Variants in RERE observed in about 807,000 individuals in gnomAD.
The protein encoded by RERE is arginine-glutamic acid dipeptide repeats.
Under a neutral mutation model 146.1 loss-of-function variants are expected in RERE, and 40 were observed. The observed-to-expected ratio is 0.27, with a 90% CI of 0.21 to 0.36. The LOEUF is 0.36. RERE is among the 10% of genes least tolerant of loss of function. The pLI is 1.00. For missense variants in RERE, 1,933 were observed against 2,138.7 expected, an observed-to-expected ratio of 0.90 and a Z score of 1.90; for synonymous variants, 1,003 against 866.0, an observed-to-expected ratio of 1.16 and a Z score of -2.78.
chr1:8,664,408 C>T (rs1438931952), intron 1 of RERE, among the ~76,000 whole-genome samples: 1 of 152,148 alleles, frequency 6.6e-6, no homozygotes, highest in East Asian at 1.9e-4. Context: ...GCGTTCATCA[C>T]CAATCAGATA....
chr1:8,536,922 G>A (rs1020370100), intron 7 of RERE, among the ~76,000 whole-genome samples: 2 of 152,092 alleles, frequency 1.3e-5, no homozygotes, highest in South Asian at 2.1e-4. Context: ...TTTTGTTCCC[G>A]CTGAGTGGAG....
chr1:8,362,584 G>A, intron 16 of RERE, 99 bp downstream of exon 16: 2 of 1,451,680 alleles, frequency 1.4e-6, no homozygotes, highest in South Asian at 1.2e-5. Context: ...TGAATGAGCT[G>A]CATCCTCGTG....
chr1:8,620,993 A>G (rs1210726192), intron 3 of RERE, among the ~76,000 whole-genome samples: 3 of 151,936 alleles, frequency 2.0e-5, no homozygotes, highest in Admixed American at 6.6e-5. Context: ...CATAGCCTCC[A>G]CCTACCCTGT....
intron 6 of RERE, among the ~76,000 whole-genome samples, chr1:8,551,193 C>T (rs1455804960): frequency 6.6e-6 from 1 of 152,212 alleles, no homozygotes; most frequent in Non-Finnish European, 1.5e-5. Flanking sequence ...AGTCCTCAGT[C>T]AGCAAGACAC....
intron 4 of RERE, among the ~76,000 whole-genome samples, chr1:8,578,300 C>G (rs973408441): frequency 6.6e-6 from 1 of 152,120 alleles, no homozygotes; most frequent in African/African-American, 2.4e-5. Flanking sequence ...TGATGGCAGA[C>G]CTCCTTACAC....
chr1:8,643,517 G>A (rs888098759), intron 2 of RERE, among the ~76,000 whole-genome samples: 1 of 152,172 alleles, frequency 6.6e-6, no homozygotes, highest in Non-Finnish European at 1.5e-5. Flanking sequence ...GTAAAAAGCA[G>A]ACTACTCAAA....
intron 1 of RERE, among the ~76,000 whole-genome samples, chr1:8,688,506 A>T (rs971756079): frequency 1.3e-5 from 2 of 152,060 alleles, no homozygotes; most frequent in Non-Finnish European, 2.9e-5. Context: ...GGTTGCAGTG[A>T]GCCAAAATTG....
At chr1:8,670,948 G>C (rs746742075) in intron 1 of RERE, among the ~76,000 whole-genome samples, 3 of 152,144 alleles carry the variant, frequency 2.0e-5, no homozygotes, top group Non-Finnish European at 2.9e-5. Context: ...CTAGCCCTCA[G>C]AAGTGGCTAA....
chr1:8,398,764 G>A (rs1208975642), intron 12 of RERE, among the ~76,000 whole-genome samples: 1 of 152,096 alleles, frequency 6.6e-6, no homozygotes, highest in East Asian at 1.9e-4. Flanking sequence ...TACACCCATG[G>A]AATCTGGCAC....
At chr1:8,564,568 T>C (rs1450863452) in intron 4 of RERE, among the ~76,000 whole-genome samples, 1 of 152,214 alleles carries the variant, frequency 6.6e-6, no homozygotes, top group Non-Finnish European at 1.5e-5. Flanking sequence ...ATAAGCTTTC[T>C]GTACCAGTCA....
chr1:8,440,204 T>C (rs2124491989), intron 11 of RERE, among the ~76,000 whole-genome samples: 1 of 152,332 alleles, frequency 6.6e-6, no homozygotes, highest in Admixed American at 6.5e-5. Context: ...CTGGAAACTA[T>C]TTGTAGTATG....
intron 1 of RERE, among the ~76,000 whole-genome samples, chr1:8,772,721 A>G (rs1640976713): frequency 6.6e-6 from 1 of 152,124 alleles, no homozygotes; most frequent in Admixed American, 6.6e-5. Flanking sequence ...TAGAGGTTGC[A>G]GTAAGCTGAG....
At chr1:8,608,954 C>T (rs997741742) in intron 4 of RERE, among the ~76,000 whole-genome samples, 5 of 152,042 alleles carry the variant, frequency 3.3e-5, no homozygotes, top group African/African-American at 1.2e-4. Flanking sequence ...CATGGTGGCT[C>T]ATTCCTGTAA....
At position 8,507,737 on chromosome 1, in the gene RERE, C is replaced by T. The variant is rs377664995; in HGVS notation, c.879+890G>A. On this transcript the variant is annotated intron_variant, in intron 8 of 22. Transcript: ENST00000400908. ...AAAAGAGGTTTTAAACATCTTTTAT[C>T]TTTTTTTTTTTTTTTTTTTGAGACA... 1.7e-3 allele frequency among the ~76,000 whole-genome samples: 144 copies of T among 85,912 alleles called. 1 individual carries two copies. Among genetic ancestry groups the T allele is most frequent in the Admixed American group, 7.0e-3 (43 of 6,110 alleles). The allele number at this position is 85,912 out of a possible 152,430, so 56.4% of individuals were successfully genotyped here.
In RERE at chr1:8,357,097, A is replaced by G. The variant is rs115580344; in HGVS notation, c.4340-851T>C. On this transcript the variant is annotated intron_variant, in intron 20 of 22. Transcript: ENST00000400908. ...TTCTGGATTTATTTTTTTCCAGAAC[A>G]TATACTTTCTGCCTCTCACAACGTG... Among the ~76,000 whole-genome samples, 697 of 152,218 alleles carry G rather than the reference A, an allele frequency of 4.6e-3. 3 individuals are homozygous for G. Among genetic ancestry groups the G allele is most frequent in the African/African-American group, 0.016 (675 of 41,500 alleles).
chr1:8,764,966 C>A (rs1393915153), intron 1 of RERE, among the ~76,000 whole-genome samples: 1 of 152,220 alleles, frequency 6.6e-6, no homozygotes, highest in Non-Finnish European at 1.5e-5. Context: ...ACAGAGGTTC[C>A]ATACCCCCCA....
At position 8,713,956 on chromosome 1, in the gene RERE, C is replaced by T. The variant is rs531488741; in HGVS notation, c.-144-57515G>A. Among the ~76,000 whole-genome samples the T allele has an allele frequency of 2.0e-5, 3 of 151,958 alleles. No individual in the cohort carries two copies. The South Asian group carries it at 6.2e-4, about 32-fold the overall frequency. ...AACGTTATATTATGAAAACTTTAAG[C>T]CAAAAATATCCAAATATTAATATTA... On this transcript the variant is annotated intron_variant, in intron 1 of 22. Coordinates refer to ENST00000400908, the MANE Select transcript of RERE (RefSeq NM_001042681.2).
intron 1 of RERE, among the ~76,000 whole-genome samples, chr1:8,735,277 G>C (rs976987706): frequency 7.2e-5 from 11 of 152,286 alleles, no homozygotes; most frequent in Non-Finnish European, 1.5e-4. Context: ...AAACCTTCCA[G>C]CAGTTAGCAT....
intron 4 of RERE, among the ~76,000 whole-genome samples, chr1:8,612,519 T>G (rs918814920): frequency 1.3e-5 from 2 of 152,194 alleles, no homozygotes; most frequent in African/African-American, 4.8e-5. Context: ...TGAACTTATT[T>G]AAATCATCAG....
Sources: allele counts gnomAD v4.1 joint callset (sites outside exome capture counted in the v4.1 genomes callset), GRCh38; gene constraint gnomAD v4.1.1; transcripts MANE v1.5; gene names NCBI Gene and HGNC (gene_info 2026-07-23, HGNC 2026-07-21).